Variants in EYA4 observed in about 807,000 individuals in gnomAD.
The protein encoded by EYA4 is protein phosphatase EYA4.
In EYA4, 31 loss-of-function variants were observed where a neutral mutation model predicts 87.9. The observed-to-expected ratio is 0.35, with a 90% CI of 0.27 to 0.48. The LOEUF (loss-of-function observed/expected upper bound fraction) is 0.48. EYA4 is among the 20% of genes least tolerant of loss of function. The pLI, the probability that EYA4 is intolerant of heterozygous loss-of-function variation, is 0.99. For missense variants in EYA4, 678 were observed against 761.4 expected, an observed-to-expected ratio of 0.89 and a Z score of 1.29; for synonymous variants, 263 against 270.6, an observed-to-expected ratio of 0.97 and a Z score of 0.28.
intron 13 of EYA4, among the ~76,000 whole-genome samples, chr6:133,483,698 G>GTTAT: frequency 7.4e-6 from 1 of 134,394 alleles, no homozygotes; most frequent in South Asian, 2.4e-4. Context: ...TTATTTCATT[G>GTTAT]TTATTATTAT....
intron 2 of EYA4, among the ~76,000 whole-genome samples, chr6:133,359,172 C>A (rs924247840): frequency 2.0e-5 from 3 of 152,120 alleles, no homozygotes; most frequent in Non-Finnish European, 4.4e-5. Flanking sequence ...AGTTGAGATG[C>A]AGAAGACTTT....
intron 5 of EYA4, among the ~76,000 whole-genome samples, chr6:133,449,601 T>C (rs140679078): frequency 2.1e-4 from 32 of 152,288 alleles, no homozygotes; most frequent in African/African-American, 6.5e-4. Flanking sequence ...TGGATCTGGA[T>C]CTTAGCACTA....
At chr6:133,258,086 G>A (rs1359217003) in intron 1 of EYA4, among the ~76,000 whole-genome samples, 3 of 152,200 alleles carry the variant, frequency 2.0e-5, no homozygotes, top group African/African-American at 4.8e-5. Flanking sequence ...TTGTCCAAGT[G>A]TGGGCCATAG....
chr6:133,373,168 A>G (rs1785408743), intron 2 of EYA4, among the ~76,000 whole-genome samples: 1 of 152,032 alleles, frequency 6.6e-6, no homozygotes, highest in Admixed American at 6.6e-5. Flanking sequence ...TTGGAAACAT[A>G]TGTAACTATG....
chr6:133,345,849 T>C (rs1272811982), intron 2 of EYA4, among the ~76,000 whole-genome samples: 1 of 152,258 alleles, frequency 6.6e-6, no homozygotes, highest in Non-Finnish European at 1.5e-5. Flanking sequence ...TTTCCTATTT[T>C]CTTCTGCACA....
At chr6:133,339,579 T>G (rs1414218848) in intron 2 of EYA4, among the ~76,000 whole-genome samples, 1 of 152,186 alleles carries the variant, frequency 6.6e-6, no homozygotes, top group Non-Finnish European at 1.5e-5. Flanking sequence ...TTATACTTGC[T>G]TATTGGAAAA....
intron 16 of EYA4, among the ~76,000 whole-genome samples, chr6:133,514,405 A>G (rs1799418283): frequency 6.6e-6 from 1 of 152,216 alleles, no homozygotes; most frequent in Non-Finnish European, 1.5e-5. Flanking sequence ...TATTAATAAA[A>G]TTATTTTAAG....
chr6:133,443,280 T>A (rs896760756), intron 3 of EYA4, among the ~76,000 whole-genome samples: 3 of 151,974 alleles, frequency 2.0e-5, no homozygotes, highest in Non-Finnish European at 4.4e-5. Context: ...GGAGGTTTTT[T>A]GATAAATATT....
chr6:133,415,046 A>T (rs1269795050), intron 3 of EYA4, among the ~76,000 whole-genome samples: 1 of 152,190 alleles, frequency 6.6e-6, no homozygotes, highest in African/African-American at 2.4e-5. Context: ...TGTTTTACAG[A>T]TGGGCAAATT....
intron 3 of EYA4, among the ~76,000 whole-genome samples, chr6:133,442,511 G>A (rs1315533096): frequency 6.6e-6 from 1 of 151,990 alleles, no homozygotes; most frequent in Non-Finnish European, 1.5e-5. Context: ...TTTAGTACTG[G>A]CAAGGTCCTT....
intron 2 of EYA4, among the ~76,000 whole-genome samples, chr6:133,283,049 T>A (rs1243140549): frequency 6.6e-6 from 1 of 152,120 alleles, no homozygotes; most frequent in Non-Finnish European, 1.5e-5. Flanking sequence ...ATCCCAGCAC[T>A]TTGGGAGGCT....
intron 3 of EYA4, among the ~76,000 whole-genome samples, chr6:133,397,640 A>G (rs1787914388): frequency 6.6e-6 from 1 of 152,188 alleles, no homozygotes; most frequent in South Asian, 2.1e-4. Flanking sequence ...ATTTGCATAT[A>G]TGATATATCC....
chr6:133,244,241 G>A (rs535505882), intron 1 of EYA4, among the ~76,000 whole-genome samples: 8 of 152,118 alleles, frequency 5.3e-5, no homozygotes, highest in African/African-American at 1.4e-4. Context: ...TGTAACTACC[G>A]GTTGGTTCAC....
chr6:133,449,403 C>T (rs1583309157), intron 5 of EYA4, among the ~76,000 whole-genome samples: 1 of 152,140 alleles, frequency 6.6e-6, no homozygotes, highest in Non-Finnish European at 1.5e-5. Flanking sequence ...GTGGTCTGTT[C>T]TCAAATAGTG....
intron 3 of EYA4, among the ~76,000 whole-genome samples, chr6:133,401,171 A>G (rs1788228108): frequency 6.6e-6 from 1 of 152,178 alleles, no homozygotes; most frequent in South Asian, 2.1e-4. Flanking sequence ...TCTCACTCCT[A>G]TGTAGGAGCT....
At chr6:133,404,762 G>A (rs1583189990) in intron 3 of EYA4, among the ~76,000 whole-genome samples, 1 of 152,050 alleles carries the variant, frequency 6.6e-6, no homozygotes, top group Non-Finnish European at 1.5e-5. Context: ...ATTGAGTTTC[G>A]GGATGTCCTT....
intron 3 of EYA4, among the ~76,000 whole-genome samples, chr6:133,423,151 G>A (rs1450305938): frequency 6.6e-6 from 1 of 152,140 alleles, no homozygotes; most frequent in South Asian, 2.1e-4. Context: ...GAGGATCAGG[G>A]AGGAGAAAGA....
intron 2 of EYA4, among the ~76,000 whole-genome samples, chr6:133,338,619 T>C (rs1320244839): frequency 6.6e-6 from 1 of 152,198 alleles, no homozygotes; most frequent in Non-Finnish European, 1.5e-5. Flanking sequence ...TATAAAACCA[T>C]GAATCCTGCT....
intron 2 of EYA4, among the ~76,000 whole-genome samples, chr6:133,326,628 G>T (rs1781518024): frequency 6.6e-6 from 1 of 152,162 alleles, no homozygotes; most frequent in Non-Finnish European, 1.5e-5. Context: ...CTGGCAAACT[G>T]GACCCTCCAC....
Sources: gnomAD v4.1 joint callset for allele counts (sites outside exome capture counted in the v4.1 genomes callset) on GRCh38, gnomAD v4.1.1 for gene constraint, MANE v1.5 for transcripts, NCBI Gene and HGNC (gene_info 2026-07-23, HGNC 2026-07-21) for gene names.